Variants in CD69 observed in about 807,000 individuals in gnomAD.
The protein encoded by CD69 is CD69 molecule.
Under a neutral mutation model 21.4 loss-of-function variants are expected in CD69, and 10 were observed. That is an observed-to-expected ratio of 0.47 (90% CI 0.29 to 0.79). CD69 has a LOEUF of 0.79. Among genes scored for constraint, CD69 ranks in the 30% least tolerant of loss-of-function variants. The pLI, the probability that CD69 is intolerant of heterozygous loss-of-function variation, is 0.09. For synonymous variants in CD69, 63 were observed against 78.2 expected, an observed-to-expected ratio of 0.81 and a Z score of 1.03; for missense variants, 204 against 236.9, an observed-to-expected ratio of 0.86 and a Z score of 0.91.
chr12:9,757,653 C>G (rs1302806636), intron 1 of CD69, among the ~76,000 whole-genome samples: 1 of 152,134 alleles, frequency 6.6e-6, no homozygotes, highest in Non-Finnish European at 1.5e-5. Flanking sequence ...AAAAATCCAG[C>G]CACAGAAGAT....
Position 9,754,643 on chromosome 12 carries a change from C to A in CD69, c.435G>T (p.Leu145=), listed in dbSNP as rs1279700093. ...TCCATGGGTGACCAGGTTCCTTTTT[C>A]AGTCCAACCCAGTGTTCCTCTCTAC... ...YAGREEHWVG[L]KKEPGHPWKW... The change falls in exon 4 of 5, where the codon CTG becomes CTT. Residue 145 remains leucine (L), a synonymous_variant. Coordinates refer to ENST00000228434, the MANE Select transcript of CD69 (RefSeq NM_001781.2). 1.2e-6 allele frequency: 2 copies of A among 1,612,894 alleles called. No homozygotes were observed. Among genetic ancestry groups the A allele is most frequent in the East Asian group, 4.5e-5 (2 of 44,850 alleles).
At position 9,753,535 on chromosome 12, in the gene CD69, G is replaced by A. The variant is rs765662767; in HGVS notation, c.546C>T (p.Ser182=). The A allele has an allele frequency of 5.3e-5, 84 of 1,590,392 alleles. 1 individual carries two copies. The South Asian group carries it at 8.9e-4, about 17-fold the overall frequency. The change falls in exon 5 of 5, where the codon AGC becomes AGT. Residue 182 remains serine (S), a synonymous_variant. Coordinates refer to ENST00000228434, the MANE Select transcript of CD69 (RefSeq NM_001781.2). ...ATAAATTCTTCTCACATTCCATGCTGCTGACCTCTGTGTTTTTCAGAAAAA... is the reference window on the plus strand; with the variant it reads ...ATAAATTCTTCTCACATTCCATGCTACTGACCTCTGTGTTTTTCAGAAAAA... ...KCVFLKNTEV[S]SMECEKNLYW...
intron 1 of CD69, among the ~76,000 whole-genome samples, chr12:9,756,844 G>A (rs763223092): frequency 1.3e-5 from 2 of 152,136 alleles, no homozygotes; most frequent in East Asian, 1.9e-4. Context: ...GGAGGCCGAG[G>A]TGAGTGGATT....
Position 9,760,768 on chromosome 12 carries a change from C to T in CD69, c.53G>A (p.Ser18Asn), listed in dbSNP as rs370424398. The T allele has an allele frequency of 6.2e-7, 1 of 1,612,628 alleles. No individual in the cohort carries two copies. Among genetic ancestry groups the T allele is most frequent in the Non-Finnish European group, 8.5e-7 (1 of 1,179,488 alleles). The change falls in exon 1 of 5, where the codon AGT becomes AAT. Residue 18 changes from serine to asparagine, a missense_variant. Ser to Asn is a conservative substitution (Grantham distance 46). Transcript: ENST00000228434. ...VAENSSLHPE[S>N]GQENDATSPH... ...CAGATCTGACTTACTTTCTTGTCCA[C>T]TCTCCGGATGCAAAGAGCTGTTCTC...
At chr12:9,753,657 A>G (rs1271859149) in intron 4 of CD69, 68 bp from the exon 5 acceptor site, 1 of 686,722 alleles carries the variant, frequency 1.5e-6, no homozygotes, top group East Asian at 2.9e-5. Context: ...CATGAGAATG[A>G]ACTCGGAGAT....
intron 1 of CD69, among the ~76,000 whole-genome samples, chr12:9,757,587 G>A (rs1196325155): frequency 1.3e-5 from 2 of 151,956 alleles, no homozygotes; most frequent in African/African-American, 2.4e-5. Flanking sequence ...TTCAAAATAA[G>A]ACAACTGATA....
intron 1 of CD69, among the ~76,000 whole-genome samples, chr12:9,758,491 A>T (rs3176792): frequency 0.068 from 10,320 of 152,246 alleles, 340 homozygotes; most frequent in Non-Finnish European, 0.082. Flanking sequence ...GACCAAGAGA[A>T]GTTGCCTTTT....
intron 4 of CD69, among the ~76,000 whole-genome samples, 157 bp from the exon 5 acceptor site, chr12:9,753,746 C>G (rs1866650428): frequency 2.8e-5 from 1 of 35,472 alleles, no homozygotes; most frequent in East Asian, 1.1e-3. Context: ...AGACAATGGA[C>G]AAGAATTGAA....
chr12:9,755,936 G>A (rs1046143085), intron 2 of CD69: 7 of 154,560 alleles, frequency 4.5e-5, no homozygotes, highest in South Asian at 4.1e-4. Flanking sequence ...CTTTAGATAC[G>A]ATTTTTTTCC....
chr12:9,759,477 T>C (rs1365737916), intron 1 of CD69, among the ~76,000 whole-genome samples: 1 of 139,846 alleles, frequency 7.2e-6, no homozygotes, highest in Non-Finnish European at 1.6e-5. Context: ...TCTCTATTTA[T>C]TGAGTAGTTA....
chr12:9,753,585 TG>T lies in CD69; in HGVS notation c.495del (p.Phe165LeufsTer12). ...WSNGKEFNNW[F>X]NVTGSDKCVF... ...ACACACTTGTCAGACCCTGTAACGT[TG>T]AACCTGTCAAACAATAAAAAAACTT... On this transcript the variant is annotated frameshift_variant, in exon 5 of 5. Transcript: ENST00000228434. LOFTEE classifies it low-confidence loss of function (END_TRUNC). 1 of 1,471,586 alleles carries T rather than the reference TG, an allele frequency of 6.8e-7. No homozygotes were observed. Among genetic ancestry groups the T allele is most frequent in the Non-Finnish European group, 9.4e-7 (1 of 1,061,784 alleles). The allele number at this position is 1,471,586 out of a possible 1,614,324, so 91.2% of individuals were successfully genotyped here. A position where few individuals can be genotyped will look rare whatever the true frequency, so the allele number is the denominator to read the frequency against.
chr12:9,757,000 A>T (rs1866685275), intron 1 of CD69, among the ~76,000 whole-genome samples: 1 of 152,162 alleles, frequency 6.6e-6, no homozygotes, highest in Non-Finnish European at 1.5e-5. Flanking sequence ...GGATCGCTTT[A>T]GCCTGGGAGG....
chr12:9,758,326 G>A (rs1207871012), intron 1 of CD69, among the ~76,000 whole-genome samples: 1 of 152,036 alleles, frequency 6.6e-6, no homozygotes, highest in East Asian at 1.9e-4. Context: ...ATGTAAAATG[G>A]CTGCTTAAGT....
rs1168377796 is a variant in CD69, at chr12:9,753,520, C to T, written c.561G>A (p.Glu187=). The change falls in exon 5 of 5, where the codon GAG becomes GAA. Residue 187 remains glutamate, a synonymous_variant. Transcript: ENST00000228434. ...KNTEVSSMEC[E]KNLYWICNKP... ...TGTTACATATCCAGTATAAATTCTT[C>T]TCACATTCCATGCTGCTGACCTCTG... is the stretch of plus-strand genomic sequence containing the variant. The T allele has an allele frequency of 6.4e-7, 1 of 1,573,572 alleles. No homozygotes were observed. Among genetic ancestry groups the T allele is most frequent in the Admixed American group, 1.7e-5 (1 of 59,564 alleles).
chr12:9,753,461 T>C lies in CD69; in HGVS notation c.*20A>G. ...TTGAGTTCCATTCTATAATAGTCAA[T>C]AAGTGAACATGTTTCCTTATTATTT... On this transcript the variant is annotated 3_prime_UTR_variant, in exon 5 of 5. Coordinates refer to ENST00000228434, the MANE Select transcript of CD69 (RefSeq NM_001781.2). 1 of 1,031,228 alleles carries C rather than the reference T, an allele frequency of 9.7e-7. No homozygotes were observed. The highest frequency in any genetic ancestry group is 1.3e-5 in the South Asian group (1 of 75,592). 63.9% of individuals were successfully genotyped at this position (1,031,228 alleles called of 1,614,324 possible).
chr12:9,760,014 T>A (rs1866718361), intron 1 of CD69, among the ~76,000 whole-genome samples: 1 of 152,158 alleles, frequency 6.6e-6, no homozygotes, highest in Non-Finnish European at 1.5e-5. Context: ...TTACATAGTC[T>A]TTGAAGCCAG....
In CD69 at chr12:9,754,443, T is replaced by G. The variant is rs1042163834; in HGVS notation, c.491+144A>C. On this transcript the variant is annotated intron_variant, in intron 4 of 4. Transcript: ENST00000228434. ...ATAATAAAGCCTGTTATTAAAGAATTCCAGAGTATACGCATTCAGAAGAGA... is the reference window on the plus strand; with the variant it reads ...ATAATAAAGCCTGTTATTAAAGAATGCCAGAGTATACGCATTCAGAAGAGA... The G allele has an allele frequency of 8.6e-6, 5 of 578,814 alleles. No individual in the cohort carries two copies. In the Admixed American group the frequency reaches 1.2e-4, roughly 14 times the overall value. The allele number at this position is 578,814 out of a possible 1,614,324, so 35.9% of individuals were successfully genotyped here.
Position 9,760,751 on chromosome 12 carries a change from A to G in CD69, c.64+6T>C, listed in dbSNP as rs776942440. On this transcript the variant is annotated splice_donor_region_variant and intron_variant, in intron 1 of 4. Transcript: ENST00000228434. ...GAGAGTAAATAGGCAATCAGATCTG[A>G]CTTACTTTCTTGTCCACTCTCCGGA... 6.2e-7 allele frequency: 1 copy of G among 1,608,716 alleles called. No homozygotes were observed. The highest frequency in any genetic ancestry group is 1.7e-5 in the Admixed American group (1 of 60,022).
chr12:9,756,131 T>C (rs899574272), intron 2 of CD69, 166 bp downstream of exon 2: 6 of 435,926 alleles, frequency 1.4e-5, no homozygotes, highest in African/African-American at 1.2e-4. Flanking sequence ...TCAAGGATTG[T>C]GGAATTATGT....
Sources: gnomAD v4.1 joint callset for allele counts (sites outside exome capture counted in the v4.1 genomes callset) on GRCh38, gnomAD v4.1.1 for gene constraint, MANE v1.5 for transcripts, NCBI Gene and HGNC (gene_info 2026-07-23, HGNC 2026-07-21) for gene names.